Variants in DIAPH2 observed in about 807,000 individuals in gnomAD.
DIAPH2 encodes protein diaphanous homolog 2.
Under a neutral mutation model 92.7 loss-of-function variants are expected in DIAPH2, and 35 were observed. That is an observed-to-expected ratio of 0.38 (90% CI 0.29 to 0.50). The LOEUF is 0.50. Among genes scored for constraint, DIAPH2 ranks in the 20% least tolerant of loss-of-function variants. The probability of loss-of-function intolerance (pLI) is 0.94; values close to 1 mark genes in which losing one functional copy is unlikely to be tolerated. For missense variants in DIAPH2, 701 were observed against 819.5 expected, an observed-to-expected ratio of 0.86 and a Z score of 1.77; for synonymous variants, 301 against 280.4, an observed-to-expected ratio of 1.07 and a Z score of -0.73.
At chrX:97,493,810 T>C (rs1206261185) in intron 26 of DIAPH2, among the ~76,000 whole-genome samples, 9 of 106,256 alleles carry the variant, frequency 8.5e-5, no homozygotes, top group African/African-American at 3.1e-4. Flanking sequence ...CTCTTGAGCC[T>C]GGGAGGCAAA....
At chrX:97,296,637 T>C (rs1388941351) in intron 23 of DIAPH2, among the ~76,000 whole-genome samples, 3 of 112,263 alleles carry the variant, frequency 2.7e-5, no homozygotes, top group Non-Finnish European at 5.6e-5. Context: ...GTAAACATTA[T>C]AGGAACTCTG....
At chrX:96,951,700 G>A (rs1007167245) in intron 15 of DIAPH2, among the ~76,000 whole-genome samples, 10 of 111,677 alleles carry the variant, frequency 9.0e-5, no homozygotes, top group South Asian at 3.8e-4. Flanking sequence ...GCAATACGAT[G>A]TGGTAGCCTA....
intron 17 of DIAPH2, among the ~76,000 whole-genome samples, chrX:96,977,176 G>A (rs909086171): frequency 9.0e-6 from 1 of 111,538 alleles, no homozygotes; most frequent in Non-Finnish European, 1.9e-5. Flanking sequence ...GTATTATCTT[G>A]TGAAATATGT....
In DIAPH2 at chrX:97,513,605, C is replaced by T. The variant is rs1447734125; in HGVS notation, c.3241+83860C>T. Among the ~76,000 whole-genome samples the T allele has an allele frequency of 1.1e-4, 5 of 46,412 alleles. No individual in the cohort carries two copies. In the Admixed American group the frequency reaches 1.1e-3, roughly 10 times the overall value. 40.3% of individuals were successfully genotyped at this position (46,412 alleles called of 115,157 possible). A position where few individuals can be genotyped will look rare whatever the true frequency, so the allele number is the denominator to read the frequency against. On this transcript the variant is annotated intron_variant, in intron 26 of 26. Transcript: ENST00000324765. ...AGTTGATGCAGTTTCTTCCTAGTCT[C>T]GATGGTCTTTACATTTTAGCATGAT... is the stretch of plus-strand genomic sequence containing the variant.
rs148951883 is a variant in DIAPH2 at position 97,042,325 on chromosome X, A to G, written c.2051-30616A>G. On this transcript the variant is annotated intron_variant, in intron 17 of 26. Coordinates refer to ENST00000324765, the MANE Select transcript of DIAPH2 (RefSeq NM_006729.5). Reference sequence around the variant, plus strand: ...AAATTTTCATATTAAATGTAGAACTATAATCCTCTTTCTGTGTAGATTGTG... The same window carrying G: ...AAATTTTCATATTAAATGTAGAACTGTAATCCTCTTTCTGTGTAGATTGTG... 2.2e-4 allele frequency among the ~76,000 whole-genome samples: 25 copies of G among 111,849 alleles called. No individual in the cohort carries two copies. In the South Asian group the frequency reaches 3.3e-3, roughly 15 times the overall value.
At chrX:97,458,031 A>G (rs1207149861) in intron 26 of DIAPH2, among the ~76,000 whole-genome samples, 1 of 111,838 alleles carries the variant, frequency 8.9e-6, no homozygotes, top group Non-Finnish European at 1.9e-5. Flanking sequence ...TGAGTGATCT[A>G]AGAGAGAAAG....
At chrX:97,116,397 G>A (rs2067017019) in intron 21 of DIAPH2, among the ~76,000 whole-genome samples, 2 of 112,083 alleles carry the variant, frequency 1.8e-5, no homozygotes, top group African/African-American at 6.5e-5. Flanking sequence ...CCATCTTCTT[G>A]TGATATTTGG....
chrX:96,962,486 C>CATATAT lies in DIAPH2; in HGVS notation c.1936-2606_1936-2605insTATATA, dbSNP rs1268359722. ...ATATATACATATATATATACACACA[C>CATATAT]ACACACACACATATATATATATATA... On this transcript the variant is annotated intron_variant, in intron 16 of 26. Coordinates refer to ENST00000324765, the MANE Select transcript of DIAPH2 (RefSeq NM_006729.5). Among the ~76,000 whole-genome samples, 30 of 22,772 alleles carry CATATAT rather than the reference C, an allele frequency of 1.3e-3. 1 individual carries two copies. The highest frequency in any genetic ancestry group is 4.2e-3 in the African/African-American group (29 of 6,907). 19.8% of individuals were successfully genotyped at this position (22,772 alleles called of 115,157 possible). A position where few individuals can be genotyped will look rare whatever the true frequency, so the allele number is the denominator to read the frequency against.
intron 17 of DIAPH2, among the ~76,000 whole-genome samples, chrX:97,002,357 C>T (rs1206817195): frequency 3.6e-5 from 4 of 110,672 alleles, no homozygotes; most frequent in African/African-American, 1.3e-4. Flanking sequence ...GAGTGGAACA[C>T]GTATGATCAA....
At chrX:97,083,504 C>T (rs1413818103) in intron 19 of DIAPH2, among the ~76,000 whole-genome samples, 1 of 111,287 alleles carries the variant, frequency 9.0e-6, no homozygotes, top group Non-Finnish European at 1.9e-5. Context: ...CCATTTTTCT[C>T]TCTCTCTCTT....
At chrX:96,916,411 A>G in intron 7 of DIAPH2, 27 bp from the exon 8 acceptor site, 1 of 1,028,501 alleles carries the variant, frequency 9.7e-7, no homozygotes. Context: ...GACATTCTGA[A>G]TGAAGGTTTT....
chrX:96,773,526 C>T (rs2064354513), intron 4 of DIAPH2, among the ~76,000 whole-genome samples: 1 of 111,118 alleles, frequency 9.0e-6, no homozygotes, highest in African/African-American at 3.3e-5. Flanking sequence ...AACTTACTGA[C>T]ACTTTGGTCT....
chrX:97,156,562 G>C (rs1441932146), intron 22 of DIAPH2, among the ~76,000 whole-genome samples: 2 of 111,442 alleles, frequency 1.8e-5, no homozygotes, highest in Non-Finnish European at 3.8e-5. Flanking sequence ...CCATGATCTG[G>C]AATCTCCCTT....
At chrX:97,446,038 T>C (rs150167380) in intron 26 of DIAPH2, among the ~76,000 whole-genome samples, 1,491 of 111,095 alleles carry the variant, frequency 0.013, 26 homozygotes, top group African/African-American at 0.047. Context: ...TAAAAATTCC[T>C]GGATGAAATT....
intron 17 of DIAPH2, among the ~76,000 whole-genome samples, chrX:97,010,676 A>T (rs747490130): frequency 5.4e-5 from 6 of 111,931 alleles, no homozygotes; most frequent in Non-Finnish European, 1.1e-4. Flanking sequence ...TCAGAACATT[A>T]TTTTTATTGT....
In DIAPH2 at chrX:96,919,807, TC is replaced by T. The variant is rs1235616232; in HGVS notation, c.978+1192del. On this transcript the variant is annotated intron_variant, in intron 9 of 26. Transcript: ENST00000324765. ...GATCTTTGTTAATCATGACTTCTAC[TC>T]CAACTATATTGAAAATTTTGGATCA... is the stretch of plus-strand genomic sequence containing the variant. Among the ~76,000 whole-genome samples, 8 of 111,333 alleles carry T rather than the reference TC, an allele frequency of 7.2e-5. No individual in the cohort carries two copies. The East Asian group carries it at 1.7e-3, about 23-fold the overall frequency.
At chrX:97,552,879 A>C (rs2071230488) in intron 26 of DIAPH2, among the ~76,000 whole-genome samples, 1 of 111,635 alleles carries the variant, frequency 9.0e-6, no homozygotes, top group African/African-American at 3.3e-5. Flanking sequence ...GAAGTCCAAA[A>C]TCAAAGAGTC....
At chrX:97,275,229 G>C (rs1170613346) in intron 23 of DIAPH2, among the ~76,000 whole-genome samples, 5 of 105,901 alleles carry the variant, frequency 4.7e-5, no homozygotes, top group East Asian at 6.3e-4. Context: ...GGGCAGAGGT[G>C]CCCCCCCCAC....
intron 26 of DIAPH2, among the ~76,000 whole-genome samples, chrX:97,477,886 G>A (rs2070623207): frequency 9.0e-6 from 1 of 110,955 alleles, no homozygotes; most frequent in Non-Finnish European, 1.9e-5. Context: ...TGAAGTGTGG[G>A]ACTACTATAG....
Sources: allele counts gnomAD v4.1 joint callset (sites outside exome capture counted in the v4.1 genomes callset), GRCh38; gene constraint gnomAD v4.1.1; transcripts MANE v1.5; gene names NCBI Gene and HGNC (gene_info 2026-07-23, HGNC 2026-07-21).